Variants in TEX10 observed in about 807,000 individuals in gnomAD.
TEX10 encodes the protein testis-expressed protein 10.
TEX10 carries 24 observed loss-of-function variants against 104.4 expected under a neutral mutation model. That is an observed-to-expected ratio of 0.23 (90% CI 0.17 to 0.32). The LOEUF is 0.32. Among genes scored for constraint, TEX10 ranks in the 10% least tolerant of loss-of-function variants. TEX10 has a pLI of 1.00. For synonymous variants in TEX10, 396 were observed against 393.4 expected (o/e 1.01, Z -0.08); for missense variants, 921 against 1,083.9 (o/e 0.85, Z 2.11).
chr9:100,328,828 T>G (rs907553984), intron 7 of TEX10, among the ~76,000 whole-genome samples: 1 of 152,142 alleles, frequency 6.6e-6, no homozygotes, highest in African/African-American at 2.4e-5. Context: ...TGGCTAGAGA[T>G]TCAACCTCCG....
In TEX10 at chr9:100,305,335, T is replaced by TA. The variant is rs1307728466; in HGVS notation, c.2466-1494dup. On this transcript the variant is annotated intron_variant, in intron 13 of 14. Coordinates refer to ENST00000374902, the MANE Select transcript of TEX10 (RefSeq NM_017746.4). ...ATATGGTAATTCCATCTATGGTGAA[T>TA]AATGAATCCATTCTAGGCCAAATAG... 3.3e-5 allele frequency: 5 copies of TA among 152,312 alleles called. No individual in the cohort carries two copies. In the East Asian group the frequency reaches 9.6e-4, roughly 29 times the overall value. 9.4% of individuals were successfully genotyped at this position (152,312 alleles called of 1,614,324 possible).
chr9:100,339,292 C>CAT (rs1204460890), intron 5 of TEX10, among the ~76,000 whole-genome samples: 67 of 93,938 alleles, frequency 7.1e-4, no homozygotes, highest in East Asian at 4.7e-3. Flanking sequence ...TATATATATA[C>CAT]ATATATATAT....
At position 100,328,081 on chromosome 9, in the gene TEX10, TA is replaced by T. The variant is rs1394597497; in HGVS notation, c.1626-120del. On this transcript the variant is annotated intron_variant, in intron 7 of 14. Transcript: ENST00000374902. ...CACAAAGTGACTAATTATGTATCAA[TA>T]ATACCACATTTATTCATTTAAACAT... 8.7e-5 allele frequency: 60 copies of T among 692,646 alleles called. 1 individual carries two copies. The highest frequency in any genetic ancestry group is 8.5e-4 in the African/African-American group (47 of 55,208). The allele number at this position is 692,646 out of a possible 1,614,324, so 42.9% of individuals were successfully genotyped here.
intron 11 of TEX10, among the ~76,000 whole-genome samples, chr9:100,315,663 A>G (rs1020220219): frequency 1.3e-5 from 2 of 152,176 alleles, no homozygotes; most frequent in African/African-American, 4.8e-5. Flanking sequence ...TTCAGCCAAT[A>G]AAGTACTTTT....
At chr9:100,348,944 A>C (rs559588133) in intron 2 of TEX10, among the ~76,000 whole-genome samples, 2 of 152,294 alleles carry the variant, frequency 1.3e-5, no homozygotes, top group South Asian at 4.1e-4. Context: ...TAAATCATCA[A>C]ATAAATATAC....
intron 5 of TEX10, among the ~76,000 whole-genome samples, chr9:100,336,929 T>C (rs1835025792): frequency 6.6e-6 from 1 of 152,190 alleles, no homozygotes; most frequent in Admixed American, 6.5e-5. Context: ...ACACTGGCAA[T>C]CCATCTTTGC....
intron 9 of TEX10, among the ~76,000 whole-genome samples, chr9:100,323,718 T>C (rs950071387): frequency 1.3e-5 from 2 of 152,226 alleles, no homozygotes; most frequent in African/African-American, 4.8e-5. Flanking sequence ...GCTTAGGTGG[T>C]ACATGTCCTG....
chr9:100,336,004 C>T (rs186624964), intron 5 of TEX10, among the ~76,000 whole-genome samples: 80 of 151,716 alleles, frequency 5.3e-4, no homozygotes, highest in African/African-American at 1.9e-3. Context: ...CCCGTCTCTA[C>T]TAGATACAAA....
chr9:100,307,413 C>G lies in TEX10; in HGVS notation c.2465+1087G>C, dbSNP rs1349065955. ...AAAACCTAAAATATTTACTAACTAACCCTTTATAGAAAGAACTTTGCTGAA... is the reference window on the plus strand; with the variant it reads ...AAAACCTAAAATATTTACTAACTAAGCCTTTATAGAAAGAACTTTGCTGAA... On this transcript the variant is annotated intron_variant, in intron 13 of 14. Coordinates refer to ENST00000374902, the MANE Select transcript of TEX10 (RefSeq NM_017746.4). The G allele has an allele frequency of 2.0e-5, 3 of 152,156 alleles. No individual in the cohort carries two copies. In the East Asian group the frequency reaches 5.8e-4, roughly 29 times the overall value. The allele number at this position is 152,156 out of a possible 1,614,324, so 9.4% of individuals were successfully genotyped here. A position where few individuals can be genotyped will look rare whatever the true frequency, so the allele number is the denominator to read the frequency against.
At chr9:100,350,415 G>C (rs1483357180) in intron 1 of TEX10, among the ~76,000 whole-genome samples, 1 of 152,070 alleles carries the variant, frequency 6.6e-6, no homozygotes, top group Non-Finnish European at 1.5e-5. Flanking sequence ...AACCTCCTTA[G>C]CAGGACATAT....
intron 5 of TEX10, among the ~76,000 whole-genome samples, chr9:100,335,504 G>A (rs1401702117): frequency 6.6e-6 from 1 of 152,036 alleles, no homozygotes; most frequent in Non-Finnish European, 1.5e-5. Flanking sequence ...CCCGGACAAG[G>A]GTCATGACTT....
chr9:100,346,061 T>A lies in TEX10; in HGVS notation c.1137+11A>T. 1 of 1,606,126 alleles carries A rather than the reference T, an allele frequency of 6.2e-7. No individual in the cohort carries two copies. ...TTAATACTAAGAAAATAAAGAACCA[T>A]TAGTTCTCACCAATTTATGGGTTTC... On this transcript the variant is annotated intron_variant, in intron 4 of 14. Transcript: ENST00000374902.
At chr9:100,350,894 C>T (rs969561406) in intron 1 of TEX10, among the ~76,000 whole-genome samples, 1 of 152,150 alleles carries the variant, frequency 6.6e-6, no homozygotes, top group African/African-American at 2.4e-5. Flanking sequence ...ATTGATTAGG[C>T]TTTTATCCAA....
At chr9:100,312,570 A>T (rs1031064211) in intron 11 of TEX10, among the ~76,000 whole-genome samples, 3 of 152,136 alleles carry the variant, frequency 2.0e-5, no homozygotes, top group African/African-American at 7.2e-5. Flanking sequence ...AGCACACCTA[A>T]ATTCCACATG....
At chr9:100,338,404 A>G (rs906696956) in intron 5 of TEX10, among the ~76,000 whole-genome samples, 1 of 152,154 alleles carries the variant, frequency 6.6e-6, no homozygotes, top group African/African-American at 2.4e-5. Flanking sequence ...TCAGCTAAAG[A>G]TATCAGTACC....
intron 8 of TEX10, 92 bp from the exon 9 acceptor site, chr9:100,326,571 G>A: frequency 3.2e-6 from 4 of 1,249,142 alleles, no homozygotes; most frequent in South Asian, 1.8e-5. Context: ...ATTGAATTAT[G>A]GGCTAACATT....
chr9:100,339,245 C>CAAAAAAA lies in TEX10; in HGVS notation c.1250+1005_1250+1011dup, dbSNP rs1182764934. ...TGGGAAACAGAGTGAGACTCCATCT[C>CAAAAAAA]AAAAAAAAAAAAAAAAAAAAAAAAA... On this transcript the variant is annotated intron_variant, in intron 5 of 14. Coordinates refer to ENST00000374902, the MANE Select transcript of TEX10 (RefSeq NM_017746.4). Among the ~76,000 whole-genome samples the CAAAAAAA allele has an allele frequency of 2.6e-3, 75 of 29,408 alleles. 10 individuals are homozygous for CAAAAAAA. The highest frequency in any genetic ancestry group is 9.0e-3 in the African/African-American group (73 of 8,096). The allele number at this position is 29,408 out of a possible 152,430, so 19.3% of individuals were successfully genotyped here.
chr9:100,348,882 A>C (rs1274923114), intron 2 of TEX10, among the ~76,000 whole-genome samples: 1 of 152,206 alleles, frequency 6.6e-6, no homozygotes, highest in Admixed American at 6.5e-5. Flanking sequence ...CATTGTGCTC[A>C]ACATGGTGTA....
intron 2 of TEX10, 50 bp downstream of exon 2, chr9:100,349,134 C>A: frequency 6.9e-7 from 1 of 1,447,350 alleles, no homozygotes; most frequent in Non-Finnish European, 9.2e-7. Context: ...TAACATTCTA[C>A]ACGATTCCAA....
Sources: allele counts gnomAD v4.1 joint callset (sites outside exome capture counted in the v4.1 genomes callset), GRCh38; gene constraint gnomAD v4.1.1; transcripts MANE v1.5; gene names NCBI Gene and HGNC (gene_info 2026-07-23, HGNC 2026-07-21).